GRK3: variants seen among roughly 807,000 people sequenced by gnomAD.
GRK3 encodes G protein-coupled receptor kinase 3.
A neutral mutation model predicts 95.7 loss-of-function variants in GRK3; 54 were observed. The observed-to-expected ratio is 0.56, with a 90% CI of 0.45 to 0.71. GRK3 has a LOEUF of 0.71. GRK3 is among the 30% of genes least tolerant of loss of function. The pLI is 0.00. For missense variants in GRK3, 649 were observed against 851.2 expected, an observed-to-expected ratio of 0.76 and a Z score of 2.96; for synonymous variants, 281 against 290.8, an observed-to-expected ratio of 0.97 and a Z score of 0.34.
intron 13 of GRK3, among the ~76,000 whole-genome samples, chr22:25,701,287 A>T (rs2085257103): frequency 6.6e-6 from 1 of 152,200 alleles, no homozygotes; most frequent in Non-Finnish European, 1.5e-5. Flanking sequence ...CAGAATGGAG[A>T]TTATTACTAT....
intron 2 of GRK3, among the ~76,000 whole-genome samples, chr22:25,640,323 C>T (rs904569062): frequency 2.0e-5 from 3 of 152,174 alleles, no homozygotes; most frequent in Non-Finnish European, 4.4e-5. Flanking sequence ...ATTATCTCAG[C>T]ATCATACTTA....
rs752781761 is a variant in GRK3 at position 25,718,352 on chromosome 22, C to T, written c.1762C>T (p.Leu588Phe). The T allele has an allele frequency of 1.9e-6, 3 of 1,613,992 alleles. No homozygotes were observed. In the South Asian group the frequency reaches 3.3e-5, roughly 18 times the overall value. Residue 588 changes from leucine (L) to phenylalanine (F), a missense_variant, in exon 19 of 21, where the codon CTT (leucine) becomes TTT (phenylalanine). Physicochemically the swap from Leu to Phe is conservative, Grantham distance 22. Around this residue, in one of 3 missense-constraint regions of GRK3, gnomAD observed 382 missense variants for 493.8 expected, o/e 0.77. Transcript: ENST00000324198. ...RRYFYLFPNRLEWRGEGESRQ... is the reference protein window; with the variant it reads ...RRYFYLFPNRFEWRGEGESRQ... ...CTATTTTTACCTCTTTCCAAATAGA[C>T]TTGAATGGAGAGGAGAGGGAGAGTC...
At chr22:25,606,537 G>T (rs535825854) in intron 2 of GRK3, among the ~76,000 whole-genome samples, 1 of 152,066 alleles carries the variant, frequency 6.6e-6, no homozygotes, top group Non-Finnish European at 1.5e-5. Flanking sequence ...TTCCGTTTGC[G>T]CCTTCCATCA....
chr22:25,593,747 G>A (rs754670647), intron 1 of GRK3, among the ~76,000 whole-genome samples: 2 of 151,982 alleles, frequency 1.3e-5, no homozygotes, highest in Non-Finnish European at 2.9e-5. Flanking sequence ...TGCTTTTGAG[G>A]ACTTTTTTTT....
intron 1 of GRK3, among the ~76,000 whole-genome samples, chr22:25,566,450 A>G (rs1418325152): frequency 1.3e-5 from 2 of 152,226 alleles, no homozygotes; most frequent in East Asian, 3.8e-4. Context: ...ATTTGTTGTG[A>G]AAAGCTAAAT....
At chr22:25,606,034 G>GC (rs2084443489) in intron 2 of GRK3, among the ~76,000 whole-genome samples, 1 of 151,914 alleles carries the variant, frequency 6.6e-6, no homozygotes, top group Admixed American at 6.6e-5. Flanking sequence ...CATACATACA[G>GC]CCCCCCAAAC....
rs373665485 is a variant in GRK3, at chr22:25,664,560, G to A, written c.441+856G>A. Among the ~76,000 whole-genome samples, 6 of 132,312 alleles carry A rather than the reference G, an allele frequency of 4.5e-5. No individual in the cohort carries two copies. In the East Asian group the frequency reaches 6.5e-4, roughly 14 times the overall value. The allele number at this position is 132,312 out of a possible 152,430, so 86.8% of individuals were successfully genotyped here. On this transcript the variant is annotated intron_variant, in intron 5 of 20. Coordinates refer to ENST00000324198, the MANE Select transcript of GRK3 (RefSeq NM_005160.4). ...TTTTGAGACAGAGTCTCGCTCTGTC[G>A]CCCAGGCTGGAGTGCAGTGGTGCTA...
intron 3 of GRK3, chr22:25,647,316 A>G: frequency 8.2e-7 from 1 of 1,219,238 alleles, no homozygotes; most frequent in Non-Finnish European, 1.2e-6. Flanking sequence ...ATACCTGAAA[A>G]TACTCCAGAG....
chr22:25,693,948 C>A (rs953061669), intron 12 of GRK3, among the ~76,000 whole-genome samples: 6 of 151,974 alleles, frequency 3.9e-5, no homozygotes, highest in African/African-American at 1.2e-4. Context: ...TGCGCCACCA[C>A]GCCTGGCTAA....
intron 13 of GRK3, chr22:25,702,868 A>C: frequency 4.4e-6 from 2 of 456,088 alleles, no homozygotes; most frequent in Non-Finnish European, 8.8e-6. Flanking sequence ...GAAGGTTTCT[A>C]TGTGGCTGAC....
At chr22:25,688,043 T>C (rs958891434) in intron 11 of GRK3, among the ~76,000 whole-genome samples, 10 of 152,132 alleles carry the variant, frequency 6.6e-5, no homozygotes, top group East Asian at 3.9e-4. Flanking sequence ...AAGGCCATCC[T>C]GGCTAACACA....
At chr22:25,621,329 C>T (rs2084584655) in intron 2 of GRK3, among the ~76,000 whole-genome samples, 1 of 152,196 alleles carries the variant, frequency 6.6e-6, no homozygotes, top group Non-Finnish European at 1.5e-5. Context: ...TTATGGGCAC[C>T]TTACTCACTT....
chr22:25,667,676 G>A, intron 5 of GRK3, 63 bp from the exon 6 acceptor site: 1 of 1,203,126 alleles, frequency 8.3e-7, no homozygotes, highest in Non-Finnish European at 1.2e-6. Flanking sequence ...AGTCTCATTG[G>A]TTTGTGTTTT....
Position 25,612,851 on chromosome 22 carries a change from A to T in GRK3, c.190+8398A>T, listed in dbSNP as rs1476871545. On this transcript the variant is annotated intron_variant, in intron 2 of 20. Transcript: ENST00000324198. The stretch of plus-strand genomic sequence containing the variant: ...ACAGAAACTACTACCTCTAAAAGTT[A>T]AAAAAAAAAAAAATCTGAGCAGTTT... Among the ~76,000 whole-genome samples, 981 of 126,992 alleles carry T rather than the reference A, an allele frequency of 7.7e-3. 7 individuals carry two copies. The highest frequency in any genetic ancestry group is 0.036 in the Middle Eastern group (9 of 250). 83.3% of individuals were successfully genotyped at this position (126,992 alleles called of 152,430 possible).
chr22:25,625,419 A>G (rs1274363772), intron 2 of GRK3, among the ~76,000 whole-genome samples: 2 of 152,220 alleles, frequency 1.3e-5, no homozygotes, highest in Non-Finnish European at 2.9e-5. Flanking sequence ...ATGCCCAGAC[A>G]GGGCCACCAG....
intron 17 of GRK3, among the ~76,000 whole-genome samples, chr22:25,712,308 A>G (rs1426778323): frequency 6.6e-6 from 1 of 152,218 alleles, no homozygotes; most frequent in African/African-American, 2.4e-5. Context: ...TGGGGTCAGC[A>G]TTGAGACCGA....
chr22:25,661,383 G>T (rs1055743910), intron 3 of GRK3, among the ~76,000 whole-genome samples, 193 bp from the exon 4 acceptor site: 1 of 152,162 alleles, frequency 6.6e-6, no homozygotes, highest in African/African-American at 2.4e-5. Flanking sequence ...CCACTTGTAT[G>T]TTTCTAGTTG....
chr22:25,624,890 A>G (rs1325963150), intron 2 of GRK3, among the ~76,000 whole-genome samples: 2 of 151,958 alleles, frequency 1.3e-5, no homozygotes, highest in Non-Finnish European at 2.9e-5. Flanking sequence ...AGCATTTAAT[A>G]TAAAGAGTGT....
At chr22:25,710,724 C>T (rs2085337306) in intron 16 of GRK3, among the ~76,000 whole-genome samples, 1 of 152,212 alleles carries the variant, frequency 6.6e-6, no homozygotes, top group Admixed American at 6.5e-5. Flanking sequence ...GTGGCTCCGG[C>T]AACCCAAAGG....
Sources: gnomAD v4.1 joint callset for allele counts (sites outside exome capture counted in the v4.1 genomes callset) on GRCh38, gnomAD v4.1.1 for gene constraint, gnomAD v4.1.1 regional missense constraint, MANE v1.5 for transcripts, NCBI Gene and HGNC (gene_info 2026-07-23, HGNC 2026-07-21) for gene names.